The following DPP10 variants were observed in gnomAD, a reference collection of about 807,000 sequenced individuals.
DPP10 encodes the protein dipeptidyl peptidase like 10, also known as inactive dipeptidyl peptidase 10.
In DPP10, 33 loss-of-function variants were observed where a neutral mutation model predicts 120.9. The ratio of observed to expected loss-of-function variants is 0.27; its 90% CI spans 0.21 to 0.37. The LOEUF (loss-of-function observed/expected upper bound fraction) is 0.37. Among genes scored for constraint, DPP10 ranks in the 10% least tolerant of loss-of-function variants. The probability of loss-of-function intolerance (pLI) is 1.00; values close to 1 mark genes in which losing one functional copy is unlikely to be tolerated. For synonymous variants in DPP10, 337 were observed against 326.1 expected (o/e 1.03, Z -0.36); for missense variants, 816 against 942.8 (o/e 0.87, Z 1.76).
In DPP10 at chr2:114,541,215, T is replaced by A. The variant is rs114129507; in HGVS notation, c.60+98377T>A. Reference sequence around the variant, plus strand: ...AAATGTACAGGAATCTCTTCTAAAGTTCAGATATAGACTTATACTCCCCTG... The same window carrying A: ...AAATGTACAGGAATCTCTTCTAAAGATCAGATATAGACTTATACTCCCCTG... On this transcript the variant is annotated intron_variant, in intron 1 of 25. Transcript: ENST00000410059. 8.2e-3 allele frequency among the ~76,000 whole-genome samples: 1,252 copies of A among 152,286 alleles called. 19 individuals are homozygous for A. Among genetic ancestry groups the A allele is most frequent in the African/African-American group, 0.029 (1,187 of 41,550 alleles).
At chr2:115,683,511 G>A (rs760954941) in intron 5 of DPP10, among the ~76,000 whole-genome samples, 12 of 151,904 alleles carry the variant, frequency 7.9e-5, no homozygotes, top group African/African-American at 2.2e-4. Flanking sequence ...TGACAATGGC[G>A]TGTTGATATA....
intron 1 of DPP10, among the ~76,000 whole-genome samples, chr2:114,942,562 T>C (rs1038873820): frequency 6.6e-6 from 1 of 151,568 alleles, no homozygotes; most frequent in African/African-American, 2.4e-5. Flanking sequence ...TAGCCATTTT[T>C]TTTTCAAAAT....
At chr2:114,600,309 G>A (rs891641991) in intron 1 of DPP10, among the ~76,000 whole-genome samples, 5 of 151,444 alleles carry the variant, frequency 3.3e-5, no homozygotes, top group Admixed American at 3.3e-4. Context: ...CCCATTTTCT[G>A]TTAAGCCCAT....
intron 1 of DPP10, among the ~76,000 whole-genome samples, chr2:114,669,858 C>A (rs1267533028): frequency 6.6e-6 from 1 of 152,018 alleles, no homozygotes; most frequent in Non-Finnish European, 1.5e-5. Context: ...TAGTCAGGGA[C>A]CCCATTTAAT....
At chr2:115,736,014 T>C (rs1210038082) in intron 8 of DPP10, among the ~76,000 whole-genome samples, 1 of 152,084 alleles carries the variant, frequency 6.6e-6, no homozygotes, top group African/African-American at 2.4e-5. Context: ...TTAGTAACTG[T>C]GTTTTGTCTT....
intron 5 of DPP10, among the ~76,000 whole-genome samples, chr2:115,635,505 C>T (rs1440659504): frequency 3.3e-5 from 5 of 152,168 alleles, no homozygotes; most frequent in South Asian, 2.1e-4. Context: ...CCTTACTCTC[C>T]GTAGGTCACA....
rs908739557 is a variant in DPP10, at chr2:115,472,855, G to C, written c.272-26655G>C. 1.4e-4 allele frequency among the ~76,000 whole-genome samples: 22 copies of C among 152,122 alleles called. 1 individual carries two copies. Among genetic ancestry groups the C allele is most frequent in the Admixed American group, 1.0e-3 (16 of 15,268 alleles). On this transcript the variant is annotated intron_variant, in intron 3 of 25. Coordinates refer to ENST00000410059, the MANE Select transcript of DPP10 (RefSeq NM_020868.6). ...TCTTTTTAGCAATCATTGTAGAATT[G>C]AAAATCTAAAAGATTCAAAACGCTT...
chr2:115,118,006 A>G (rs2049611816), intron 1 of DPP10, among the ~76,000 whole-genome samples: 1 of 152,170 alleles, frequency 6.6e-6, no homozygotes, highest in South Asian at 2.1e-4. Context: ...TTCGGGGATG[A>G]TATTTGCCTG....
chr2:114,794,588 T>C (rs1683535274), intron 1 of DPP10, among the ~76,000 whole-genome samples: 1 of 152,206 alleles, frequency 6.6e-6, no homozygotes, highest in Non-Finnish European at 1.5e-5. Context: ...GAAAGTTTTG[T>C]ACCCAAATTA....
At chr2:114,512,187 ATCT>A (rs1216505032) in intron 1 of DPP10, among the ~76,000 whole-genome samples, 4 of 152,156 alleles carry the variant, frequency 2.6e-5, no homozygotes, top group Non-Finnish European at 5.9e-5. Flanking sequence ...AACTCAGATG[ATCT>A]TCTTCTGAAT....
At chr2:114,535,679 A>G (rs1573593305) in intron 1 of DPP10, among the ~76,000 whole-genome samples, 1 of 152,164 alleles carries the variant, frequency 6.6e-6, no homozygotes. Flanking sequence ...CCCTGCTGCA[A>G]ATCTCTCAAA....
intron 1 of DPP10, among the ~76,000 whole-genome samples, chr2:114,898,062 G>A (rs942779716): frequency 6.6e-6 from 1 of 152,148 alleles, no homozygotes; most frequent in Non-Finnish European, 1.5e-5. Flanking sequence ...TGTTTATTGA[G>A]GCACTATTCA....
chr2:115,425,949 C>A (rs945564090), intron 3 of DPP10, among the ~76,000 whole-genome samples: 3 of 152,152 alleles, frequency 2.0e-5, no homozygotes, highest in Non-Finnish European at 4.4e-5. Context: ...AACTAAATCT[C>A]GTGAGAACTG....
chr2:115,096,563 A>G (rs937202920), intron 1 of DPP10, among the ~76,000 whole-genome samples: 2 of 152,138 alleles, frequency 1.3e-5, no homozygotes, highest in African/African-American at 4.8e-5. Flanking sequence ...ATATACACAT[A>G]CATATACACA....
At chr2:114,568,543 C>G (rs1212395893) in intron 1 of DPP10, among the ~76,000 whole-genome samples, 1 of 152,184 alleles carries the variant, frequency 6.6e-6, no homozygotes, top group Non-Finnish European at 1.5e-5. Context: ...TCCTGTCACA[C>G]TCACCCACCC....
At chr2:115,630,645 C>G (rs1256439750) in intron 5 of DPP10, among the ~76,000 whole-genome samples, 1 of 152,132 alleles carries the variant, frequency 6.6e-6, no homozygotes, top group Non-Finnish European at 1.5e-5. Flanking sequence ...AAGGCCTTTT[C>G]TGCATCTATT....
intron 1 of DPP10, among the ~76,000 whole-genome samples, chr2:114,530,800 A>G (rs1169145395): frequency 1.3e-5 from 2 of 152,172 alleles, no homozygotes; most frequent in Non-Finnish European, 2.9e-5. Flanking sequence ...AATTAATTAA[A>G]CATAAAAAAT....
At chr2:114,446,374 C>T (rs762487040) in intron 1 of DPP10, among the ~76,000 whole-genome samples, 1 of 152,098 alleles carries the variant, frequency 6.6e-6, no homozygotes, top group Non-Finnish European at 1.5e-5. Context: ...AATCCTTCAT[C>T]CTTTTTGAAG....
chr2:114,779,759 T>C (rs1272354491), intron 1 of DPP10, among the ~76,000 whole-genome samples: 1 of 152,176 alleles, frequency 6.6e-6, no homozygotes, highest in African/African-American at 2.4e-5. Flanking sequence ...AGCTATTTTA[T>C]CAGGTGGGAT....
Sources: gnomAD v4.1 joint callset for allele counts (sites outside exome capture counted in the v4.1 genomes callset) on GRCh38, gnomAD v4.1.1 for gene constraint, MANE v1.5 for transcripts, NCBI Gene and HGNC (gene_info 2026-07-23, HGNC 2026-07-21) for gene names.